Variants in MECOM observed in about 807,000 individuals in gnomAD.
MECOM encodes the protein histone-lysine N-methyltransferase MECOM.
MECOM carries 13 observed loss-of-function variants against 116.3 expected under a neutral mutation model. The ratio of observed to expected loss-of-function variants is 0.11; its 90% CI spans 0.07 to 0.18. The LOEUF is 0.18. Ranked by LOEUF, MECOM falls within the 10% of genes least tolerant of loss-of-function variation. The probability of loss-of-function intolerance (pLI) is 1.00; values close to 1 mark genes in which losing one functional copy is unlikely to be tolerated. For synonymous variants in MECOM, 528 were observed against 535.2 expected (o/e 0.99, Z 0.19); for missense variants, 1,299 against 1,509.0 (o/e 0.86, Z 2.31).
Position 169,449,618 on chromosome 3 carries a change from A to G in MECOM, c.38-68094T>C, listed in dbSNP as rs561189060. Reference sequence around the variant, plus strand: ...AAGATAATCAATCAAGCTAATACAAATTTTCCCTCAGCATTATTTCTTGTT... The same window carrying G: ...AAGATAATCAATCAAGCTAATACAAGTTTTCCCTCAGCATTATTTCTTGTT... On this transcript the variant is annotated intron_variant, in intron 1 of 16. Coordinates refer to ENST00000651503, the MANE Select transcript of MECOM (RefSeq NM_004991.4). Among the ~76,000 whole-genome samples, 33 of 152,256 alleles carry G rather than the reference A, an allele frequency of 2.2e-4. No individual in the cohort carries two copies. The South Asian group carries it at 6.6e-3, about 31-fold the overall frequency.
chr3:169,600,964 C>T (rs1767767034), intron 1 of MECOM, among the ~76,000 whole-genome samples: 1 of 152,190 alleles, frequency 6.6e-6, no homozygotes, highest in Non-Finnish European at 1.5e-5. Context: ...GTTCAAGATC[C>T]TAGGACTGCA....
intron 2 of MECOM, among the ~76,000 whole-genome samples, chr3:169,252,942 A>C (rs1756422198): frequency 6.6e-6 from 1 of 152,188 alleles, no homozygotes; most frequent in Non-Finnish European, 1.5e-5. Flanking sequence ...GCCCATGTGC[A>C]TTTCAGTAAA....
Position 169,122,682 on chromosome 3 carries a change from C to T in MECOM, c.876G>A (p.Lys292=). Residue 292 remains lysine (K), a synonymous_variant, in exon 6 of 17, where the codon AAG becomes AAA. Coordinates refer to ENST00000651503, the MANE Select transcript of MECOM (RefSeq NM_004991.4). ...MLSHTEEREY[K]CDQCPKAFNW... is the part of the protein sequence containing the mutation. ...TAAATGCCTTGGGACACTGATCACACTTGTATTCCCTCTCTTCAGTATGTG... is the reference window on the plus strand; with the variant it reads ...TAAATGCCTTGGGACACTGATCACATTTGTATTCCCTCTCTTCAGTATGTG... The T allele has an allele frequency of 6.2e-7, 1 of 1,614,030 alleles. No individual in the cohort carries two copies. Among genetic ancestry groups the T allele is most frequent in the Non-Finnish European group, 8.5e-7 (1 of 1,179,916 alleles).
rs57435010 is a variant in MECOM, at chr3:169,660,256, G to A, written c.37+3080C>T. Among the ~76,000 whole-genome samples the A allele has an allele frequency of 2.6e-3, 389 of 152,316 alleles. 3 individuals are homozygous for A. Among genetic ancestry groups the A allele is most frequent in the African/African-American group, 9.0e-3 (374 of 41,564 alleles). On this transcript the variant is annotated intron_variant, in intron 1 of 16. Transcript: ENST00000651503. ...TTTTGGTTTTCTTTTCTTAAAGATGGAAATAAAATTCAGGGGCGTTAGGCA... is the reference window on the plus strand; with the variant it reads ...TTTTGGTTTTCTTTTCTTAAAGATGAAAATAAAATTCAGGGGCGTTAGGCA...
chr3:169,155,709 G>A (rs761026800), intron 2 of MECOM, among the ~76,000 whole-genome samples: 3 of 152,002 alleles, frequency 2.0e-5, no homozygotes, highest in African/African-American at 4.8e-5. Flanking sequence ...CAAATTTATC[G>A]TCTTTCTAGG....
intron 1 of MECOM, among the ~76,000 whole-genome samples, chr3:169,582,034 A>G (rs1765178156): frequency 6.6e-6 from 1 of 152,248 alleles, no homozygotes; most frequent in Non-Finnish European, 1.5e-5. Context: ...TATTCCTTCT[A>G]TAAGTTTGGT....
In MECOM at chr3:169,116,747, C is replaced by A; in HGVS notation, c.1133-8G>T. On this transcript the variant is annotated splice_region_variant and splice_polypyrimidine_tract_variant and intron_variant, in intron 7 of 16. Coordinates refer to ENST00000651503, the MANE Select transcript of MECOM (RefSeq NM_004991.4). ...ATTTATGGCAGACCTCACCTGTGTG[C>A]AAACAACAAAAAAGAATCTCAGGCT... The A allele has an allele frequency of 1.3e-6, 2 of 1,564,012 alleles. No individual in the cohort carries two copies. Among genetic ancestry groups the A allele is most frequent in the African/African-American group, 1.4e-5 (1 of 72,678 alleles).
intron 2 of MECOM, among the ~76,000 whole-genome samples, chr3:169,324,811 T>A (rs1721567682): frequency 6.6e-6 from 1 of 152,210 alleles, no homozygotes; most frequent in Non-Finnish European, 1.5e-5. Flanking sequence ...AAGAACTTGT[T>A]CTGACAGCTA....
At chr3:169,114,533 G>A (rs533038257) in intron 8 of MECOM, among the ~76,000 whole-genome samples, 46 of 152,202 alleles carry the variant, frequency 3.0e-4, no homozygotes, top group African/African-American at 9.6e-4. Flanking sequence ...AAAATACTCC[G>A]ATGTTAAATA....
chr3:169,583,977 G>T (rs1323980693), intron 1 of MECOM, among the ~76,000 whole-genome samples: 1 of 152,008 alleles, frequency 6.6e-6, no homozygotes, highest in Non-Finnish European at 1.5e-5. Flanking sequence ...ATCAATTGTG[G>T]TTACTTTCAG....
rs570449337 is a variant in MECOM at position 169,464,268 on chromosome 3, A to G, written c.38-82744T>C. ...AACATTTTTGTTTTGAAAGCATTTC[A>G]AAACAGTTGTCTGTTAAATTTTGGA... On this transcript the variant is annotated intron_variant, in intron 1 of 16. Coordinates refer to ENST00000651503, the MANE Select transcript of MECOM (RefSeq NM_004991.4). The G allele has an allele frequency of 7.2e-5, 11 of 152,334 alleles. No homozygotes were observed. In the East Asian group the frequency reaches 1.2e-3, roughly 16 times the overall value. 9.4% of individuals were successfully genotyped at this position (152,334 alleles called of 1,614,324 possible).
At chr3:169,393,917 A>T (rs946587423) in intron 1 of MECOM, among the ~76,000 whole-genome samples, 1 of 152,240 alleles carries the variant, frequency 6.6e-6, no homozygotes, top group Non-Finnish European at 1.5e-5. Flanking sequence ...TACTAACTTA[A>T]ATATATTGTG....
At chr3:169,117,731 A>G (rs1011415320) in intron 7 of MECOM, among the ~76,000 whole-genome samples, 19 of 152,154 alleles carry the variant, frequency 1.2e-4, no homozygotes, top group Admixed American at 1.2e-3. Flanking sequence ...ATAAAGTAGA[A>G]TCTTCCTCCT....
intron 2 of MECOM, among the ~76,000 whole-genome samples, chr3:169,337,446 A>G (rs901659769): frequency 1.3e-5 from 2 of 152,134 alleles, no homozygotes; most frequent in African/African-American, 4.8e-5. Context: ...TCAAGAACAC[A>G]TTTGCTGTTA....
chr3:169,160,727 A>G (rs1742721853), intron 2 of MECOM, among the ~76,000 whole-genome samples: 1 of 151,866 alleles, frequency 6.6e-6, no homozygotes, highest in African/African-American at 2.4e-5. Context: ...AGTTATTGAT[A>G]CCCTCATTTA....
At chr3:169,348,296 T>C (rs983552930) in intron 2 of MECOM, among the ~76,000 whole-genome samples, 2 of 152,050 alleles carry the variant, frequency 1.3e-5, no homozygotes, top group Non-Finnish European at 2.9e-5. Context: ...TGTTTCTGGG[T>C]GTGGAGTGTG....
At chr3:169,525,743 A>G (rs1263475372) in intron 1 of MECOM, among the ~76,000 whole-genome samples, 3 of 152,312 alleles carry the variant, frequency 2.0e-5, no homozygotes, top group Non-Finnish European at 2.9e-5. Flanking sequence ...AGGTGGCTGG[A>G]TGCAGCCGGG....
chr3:169,274,874 CTT>C (rs1324942990), intron 2 of MECOM, among the ~76,000 whole-genome samples: 2 of 152,128 alleles, frequency 1.3e-5, no homozygotes, highest in Non-Finnish European at 2.9e-5. Context: ...GCTTAATAGA[CTT>C]TGAAGTAATC....
chr3:169,146,993 G>A, intron 2 of MECOM: 2 of 994,930 alleles, frequency 2.0e-6, no homozygotes, highest in African/African-American at 1.7e-5. Flanking sequence ...CGCCAACAGT[G>A]TATTTTTAAT....
Sources: allele counts gnomAD v4.1 joint callset (sites outside exome capture counted in the v4.1 genomes callset), GRCh38; gene constraint gnomAD v4.1.1; transcripts MANE v1.5; gene names NCBI Gene and HGNC (gene_info 2026-07-23, HGNC 2026-07-21).